SEPTIN10: variants seen among roughly 807,000 people sequenced by gnomAD.
SEPTIN10 encodes the protein septin 10.
Under a neutral mutation model 54.8 loss-of-function variants are expected in SEPTIN10, and 66 were observed. The observed-to-expected ratio is 1.21, with a 90% confidence interval of 0.99 to 1.48. SEPTIN10 has a LOEUF of 1.48. SEPTIN10 is among the 40% of genes most tolerant of loss of function. The pLI is 0.00. For synonymous variants in SEPTIN10, 161 were observed against 181.0 expected (o/e 0.89, Z 0.89); for missense variants, 620 against 545.6 (o/e 1.14, Z -1.36).
intron 1 of SEPTIN10, among the ~76,000 whole-genome samples, chr2:109,600,751 C>T (rs1011861708): frequency 2.0e-5 from 3 of 152,276 alleles, no homozygotes; most frequent in Middle Eastern, 3.4e-3. Context: ...CAAGACTCTG[C>T]CCCATTCCCA....
intron 5 of SEPTIN10, among the ~76,000 whole-genome samples, chr2:109,573,138 A>G (rs775668123): frequency 6.6e-6 from 1 of 152,116 alleles, no homozygotes; most frequent in Non-Finnish European, 1.5e-5. Context: ...ATTAATTTTC[A>G]TATCTGCCTC....
intron 4 of SEPTIN10, among the ~76,000 whole-genome samples, chr2:109,584,279 C>G (rs1691916228): frequency 7.7e-6 from 1 of 129,920 alleles, no homozygotes; most frequent in Non-Finnish European, 1.6e-5. Flanking sequence ...GAGGTCGAGA[C>G]CAGCCTGGCC....
intron 8 of SEPTIN10, among the ~76,000 whole-genome samples, chr2:109,553,631 T>A (rs1193039270): frequency 1.3e-5 from 2 of 151,436 alleles, no homozygotes; most frequent in African/African-American, 4.9e-5. Context: ...GGTGGGCAGA[T>A]CACCTGAGGT....
chr2:109,546,553 C>T (rs1415420762), intron 9 of SEPTIN10, among the ~76,000 whole-genome samples: 1 of 151,670 alleles, frequency 6.6e-6, no homozygotes, highest in Non-Finnish European at 1.5e-5. Context: ...CTTAAAGTCT[C>T]TCAAGTCCAT....
At chr2:109,601,884 G>A (rs1696675900) in intron 1 of SEPTIN10, among the ~76,000 whole-genome samples, 1 of 151,944 alleles carries the variant, frequency 6.6e-6, no homozygotes. Context: ...TTTTCCCAAT[G>A]TTGTTAGCCT....
rs74397261 is a variant in SEPTIN10, at chr2:109,585,749, T to C, written c.189A>G (p.Gln63=). 2.0e-3 allele frequency: 3,171 copies of C among 1,613,512 alleles called. 58 individuals carry two copies. In the African/African-American group the frequency reaches 0.037, roughly 19 times the overall value. ...CACAGAGAATATTAAAGCAGAAACC[T>C]TGCTGAATGGATCTGTTCACCAGCT... The part of the protein sequence containing the change: ...PDQLVNRSIQ[Q]GFCFNILCVG... Residue 63 remains glutamine, a synonymous_variant, in exon 3 of 11, where the codon CAA becomes CAG. Coordinates refer to ENST00000397712, the MANE Select transcript of SEPTIN10 (RefSeq NM_144710.5).
chr2:109,546,742 C>G (rs576795977), intron 9 of SEPTIN10, among the ~76,000 whole-genome samples: 61 of 152,164 alleles, frequency 4.0e-4, no homozygotes, highest in Non-Finnish European at 6.6e-4. Flanking sequence ...AAACTGTATT[C>G]TATTTTTCCA....
At chr2:109,589,119 TTTG>T (rs1191340091) in intron 2 of SEPTIN10, among the ~76,000 whole-genome samples, 11 of 152,106 alleles carry the variant, frequency 7.2e-5, no homozygotes, top group South Asian at 2.1e-4. Context: ...TGTTTGTTTG[TTTG>T]TTGTTGTTGG....
chr2:109,606,771 G>C (rs541407029), intron 1 of SEPTIN10, among the ~76,000 whole-genome samples: 84 of 135,446 alleles, frequency 6.2e-4, no homozygotes, highest in Non-Finnish European at 1.1e-3. Context: ...CCTCCGTCTC[G>C]CAGGTTCAAG....
In SEPTIN10 at chr2:109,598,099, G is replaced by GT. The variant is rs1168883600; in HGVS notation, c.31-4981dup. On this transcript the variant is annotated intron_variant, in intron 1 of 10. Coordinates refer to ENST00000397712, the MANE Select transcript of SEPTIN10 (RefSeq NM_144710.5). ...TTTTTTGAGATGGAGTCTTGCTCTC[G>GT]TTGCCCAGGCTGGAGTGCAATGGCG... 2.6e-5 allele frequency among the ~76,000 whole-genome samples: 4 copies of GT among 152,050 alleles called. No homozygotes were observed. The South Asian group carries it at 8.3e-4, about 32-fold the overall frequency.
intron 2 of SEPTIN10, among the ~76,000 whole-genome samples, chr2:109,589,637 T>C (rs1249258931): frequency 6.6e-6 from 1 of 152,048 alleles, no homozygotes; most frequent in Non-Finnish European, 1.5e-5. Flanking sequence ...AATGAAGAAA[T>C]GGAATGCTGA....
intron 1 of SEPTIN10, 34 bp downstream of exon 1, chr2:109,613,764 G>T: frequency 8.3e-7 from 1 of 1,197,610 alleles, no homozygotes; most frequent in Non-Finnish European, 1.0e-6. Flanking sequence ...GCCGGGGAGC[G>T]CGGGGCTGGG....
intron 1 of SEPTIN10, chr2:109,613,149 G>C: frequency 3.9e-6 from 5 of 1,285,720 alleles, no homozygotes; most frequent in Non-Finnish European, 5.1e-6. Context: ...CACGACCTTG[G>C]TACTATTAAC....
intron 8 of SEPTIN10, among the ~76,000 whole-genome samples, chr2:109,557,921 T>C (rs1684765796): frequency 6.6e-6 from 1 of 150,906 alleles, no homozygotes; most frequent in Non-Finnish European, 1.5e-5. Flanking sequence ...ACCACCCAAG[T>C]AGCTGGGACT....
In SEPTIN10 at chr2:109,613,797, CCA is replaced by C; in HGVS notation, c.29_30del (p.Leu10ProfsTer20). 4 of 1,231,962 alleles carry C rather than the reference CCA, an allele frequency of 3.2e-6. No individual in the cohort carries two copies. The highest frequency in any genetic ancestry group is 4.0e-6 in the Non-Finnish European group (4 of 988,190). The allele number at this position is 1,231,962 out of a possible 1,614,324, so 76.3% of individuals were successfully genotyped here. A position where few individuals can be genotyped will look rare whatever the true frequency, so the allele number is the denominator to read the frequency against. Reference protein sequence around the residue: MASSEVARHLLFQSHMATKT... With the variant: MASSEVARHXLFQSHMATKT... ...GGGGCCCCGGCGTCGGCGGGACTCA[CCA>C]GGTGCCGCGCCACCTCGGAGGAGGC... On this transcript the variant is annotated frameshift_variant and splice_region_variant, in exon 1 of 11. Transcript: ENST00000397712. LOFTEE classifies it high-confidence loss of function.
intron 10 of SEPTIN10, chr2:109,545,702 G>C: frequency 2.7e-6 from 4 of 1,458,028 alleles, no homozygotes; most frequent in East Asian, 2.5e-5. Context: ...ACTCATGGTA[G>C]GTCAGCAGCC....
intron 1 of SEPTIN10, among the ~76,000 whole-genome samples, 193 bp from the exon 2 acceptor site, chr2:109,593,312 ATTACATATAATATTCAACAT>A (rs760679468): frequency 2.8e-4 from 42 of 152,196 alleles, no homozygotes; most frequent in Non-Finnish European, 4.7e-4. Flanking sequence ...ACATAAGTAA[ATTACATATAATATTCAACAT>A]ATACAGTAAT....
At chr2:109,564,324 C>T in intron 8 of SEPTIN10, 42 bp downstream of exon 8, 2 of 1,472,154 alleles carry the variant, frequency 1.4e-6, no homozygotes. Flanking sequence ...GCAATCCTCT[C>T]TAACTTCCTC....
intron 8 of SEPTIN10, among the ~76,000 whole-genome samples, chr2:109,553,791 T>C (rs929948264): frequency 7.9e-5 from 12 of 151,830 alleles, no homozygotes; most frequent in African/African-American, 2.9e-4. Context: ...GAGGTGAAGG[T>C]TGCAGTGAGC....
Sources: allele counts gnomAD v4.1 joint callset (sites outside exome capture counted in the v4.1 genomes callset), GRCh38; gene constraint gnomAD v4.1.1; transcripts MANE v1.5; gene names NCBI Gene and HGNC (gene_info 2026-07-23, HGNC 2026-07-21).